Variants in RIC3 observed in about 807,000 individuals in gnomAD.
RIC3 encodes RIC3 acetylcholine receptor chaperone, also known as protein RIC-3.
A neutral mutation model predicts 27.3 loss-of-function variants in RIC3; 28 were observed. The observed-to-expected ratio is 1.02, with a 90% CI of 0.76 to 1.41. The LOEUF (loss-of-function observed/expected upper bound fraction) is 1.41, where lower values mean the gene tolerates loss of function less well. Among genes scored for constraint, RIC3 ranks in the 40% most tolerant of loss-of-function variants. The probability of loss-of-function intolerance (pLI) is 0.00; values close to 1 mark genes in which losing one functional copy is unlikely to be tolerated. For missense variants in RIC3, 501 were observed against 444.7 expected, an observed-to-expected ratio of 1.13 and a Z score of -1.14; for synonymous variants, 184 against 160.4, an observed-to-expected ratio of 1.15 and a Z score of -1.11.
the RIC3 span, chr11:8,098,924 C>T: frequency 1.4e-6 from 2 of 1,382,302 alleles, no homozygotes; most frequent in African/African-American, 1.4e-5. Context: ...GATATGAAAT[C>T]CAGGACTTGA....
chr11:8,096,332 C>T, the RIC3 span, among the ~76,000 whole-genome samples: 2 of 152,142 alleles, frequency 1.3e-5, no homozygotes, highest in African/African-American at 4.8e-5. Flanking sequence ...ATTCCCAGTT[C>T]AAGGTGAGCT....
chr11:8,138,266 A>T lies in RIC3; in HGVS notation c.427+6T>A, dbSNP rs749344476. 2 of 1,599,718 alleles carry T rather than the reference A, an allele frequency of 1.3e-6. No homozygotes were observed. The highest frequency in any genetic ancestry group is 1.7e-6 in the Non-Finnish European group (2 of 1,166,936). Reference sequence around the variant, plus strand: ...ACCTGTGAATATACTGAGAAGGGGCACTTACTAATTTTCCTGTGGGTGTTT... The same window carrying T: ...ACCTGTGAATATACTGAGAAGGGGCTCTTACTAATTTTCCTGTGGGTGTTT... On this transcript the variant is annotated splice_donor_region_variant and intron_variant, in intron 3 of 5. Coordinates refer to ENST00000309737, the MANE Select transcript of RIC3 (RefSeq NM_001206671.4).
Position 8,111,110 on chromosome 11 carries a change from T to C in RIC3, c.698A>G (p.Tyr233Cys), listed in dbSNP as rs747002014. 1.9e-6 allele frequency: 3 copies of C among 1,606,520 alleles called. No homozygotes were observed. The highest frequency in any genetic ancestry group is 2.7e-5 in the African/African-American group (2 of 74,494). Residue 233 changes from tyrosine to cysteine, a missense_variant, in exon 6 of 6, where the codon TAT (tyrosine) becomes TGT (cysteine). Coordinates refer to ENST00000309737, the MANE Select transcript of RIC3 (RefSeq NM_001206671.4). The stretch of plus-strand genomic sequence containing the variant: ...ACGCTTGATACAGTCTGAAAGGTCA[T>C]AAATTGGGTAAGTCTCTTCAGGGTA... Reference protein sequence around the residue: ...EGYPEETYPIYDLSDCIKRRQ... With the variant: ...EGYPEETYPICDLSDCIKRRQ...
intron 1 of RIC3, among the ~76,000 whole-genome samples, chr11:8,158,938 G>A (rs1036193269): frequency 4.0e-5 from 6 of 149,828 alleles, no homozygotes; most frequent in Non-Finnish European, 8.9e-5. Context: ...TCACCATGTT[G>A]GCCAGGCTGG....
In RIC3 at chr11:8,123,101, T is replaced by G. The variant is rs1458522903; in HGVS notation, c.670+3558A>C. ...ATGTCTGAAATTAAAAAACACTGAA[T>G]AAGATTAACAGTGGGTTAGATACAG... On this transcript the variant is annotated intron_variant, in intron 5 of 5. Transcript: ENST00000309737. Among the ~76,000 whole-genome samples, 3 of 151,510 alleles carry G rather than the reference T, an allele frequency of 2.0e-5. No individual in the cohort carries two copies. In the East Asian group the frequency reaches 5.8e-4, roughly 29 times the overall value.
intron 4 of RIC3, among the ~76,000 whole-genome samples, chr11:8,134,896 T>G (rs555150214): frequency 5.9e-5 from 9 of 152,280 alleles, no homozygotes; most frequent in African/African-American, 2.2e-4. Context: ...ATATTAGCCC[T>G]TTGTCAGATG....
chr11:8,158,496 C>A (rs899705403), intron 1 of RIC3, among the ~76,000 whole-genome samples: 4 of 151,942 alleles, frequency 2.6e-5, no homozygotes, highest in Non-Finnish European at 5.9e-5. Flanking sequence ...TACCCTGCAA[C>A]CTATTCAAAC....
chr11:8,166,136 T>C (rs1410657610), intron 1 of RIC3, among the ~76,000 whole-genome samples: 1 of 152,168 alleles, frequency 6.6e-6, no homozygotes, highest in Non-Finnish European at 1.5e-5. Context: ...TGCATACATG[T>C]CTCCATTGTT....
Position 8,142,359 on chromosome 11 carries a change from C to T in RIC3, c.125-2166G>A, listed in dbSNP as rs1370446963. 7.0e-4 allele frequency among the ~76,000 whole-genome samples: 106 copies of T among 151,184 alleles called. 1 individual carries two copies. In the East Asian group the frequency reaches 0.019, roughly 27 times the overall value. ...ATAAAGGGGATATCACCACCTATCC[C>T]ACAGAAATACAAACTACCATCAGAG... On this transcript the variant is annotated intron_variant, in intron 1 of 5. Transcript: ENST00000309737.
intron 1 of RIC3, among the ~76,000 whole-genome samples, chr11:8,147,200 C>T (rs1259235052): frequency 2.6e-5 from 4 of 152,212 alleles, no homozygotes; most frequent in Non-Finnish European, 4.4e-5. Flanking sequence ...CCAGACCAAA[C>T]CAATGTACTT....
intron 1 of RIC3, among the ~76,000 whole-genome samples, chr11:8,141,684 G>A (rs1465548515): frequency 2.0e-5 from 3 of 152,040 alleles, no homozygotes; most frequent in Non-Finnish European, 4.4e-5. Flanking sequence ...GGACCTAATA[G>A]ACACCTACAG....
intron 5 of RIC3, among the ~76,000 whole-genome samples, chr11:8,124,693 A>T (rs1946815855): frequency 6.6e-6 from 1 of 152,244 alleles, no homozygotes; most frequent in African/African-American, 2.4e-5. Context: ...AGATCAATGG[A>T]ACAGAATAGA....
the RIC3 span, among the ~76,000 whole-genome samples, chr11:8,093,620 G>T: frequency 6.6e-6 from 1 of 152,152 alleles, no homozygotes; most frequent in African/African-American, 2.4e-5. Flanking sequence ...CCCCTCGTAG[G>T]CTCCCTGGAG....
chr11:8,134,585 T>C (rs1173050907), intron 4 of RIC3, among the ~76,000 whole-genome samples: 1 of 152,208 alleles, frequency 6.6e-6, no homozygotes, highest in Non-Finnish European at 1.5e-5. Context: ...TCTTCCACAA[T>C]GGTTGAACTA....
At chr11:8,094,137 A>G in the RIC3 span, 10 of 1,614,006 alleles carry the variant, frequency 6.2e-6, no homozygotes, top group East Asian at 8.9e-5. Context: ...CGGCAGCTAC[A>G]GCAGGGGGCC....
intron 1 of RIC3, among the ~76,000 whole-genome samples, chr11:8,140,475 A>G (rs6578933): frequency 0.17 from 26,268 of 152,106 alleles, 3,072 homozygotes; most frequent in African/African-American, 0.33. Flanking sequence ...CTGAGTTCCA[A>G]CCAAGGAATG....
chr11:8,124,579 T>C (rs902406023), intron 5 of RIC3, among the ~76,000 whole-genome samples: 17 of 151,952 alleles, frequency 1.1e-4, no homozygotes, highest in Non-Finnish European at 1.2e-4. Flanking sequence ...GCCAAAATAA[T>C]CTTGGGAAAA....
intron 4 of RIC3, among the ~76,000 whole-genome samples, chr11:8,135,100 GT>G (rs1244982445): frequency 2.0e-5 from 3 of 152,130 alleles, no homozygotes; most frequent in Non-Finnish European, 2.9e-5. Flanking sequence ...TTCTTCTAGG[GT>G]TTTTATGGTT....
chr11:8,130,621 G>A (rs1473151624), intron 4 of RIC3, among the ~76,000 whole-genome samples: 1 of 151,846 alleles, frequency 6.6e-6, no homozygotes, highest in Non-Finnish European at 1.5e-5. Flanking sequence ...ACTCTCACTG[G>A]CCTATTACCA....
Sources: allele counts gnomAD v4.1 joint callset (sites outside exome capture counted in the v4.1 genomes callset), GRCh38; gene constraint gnomAD v4.1.1; transcripts MANE v1.5; gene names NCBI Gene and HGNC (gene_info 2026-07-23, HGNC 2026-07-21).